Variants in ODAD2 observed in about 807,000 individuals in gnomAD.
The protein encoded by ODAD2 is outer dynein arm-docking complex subunit 2.
In ODAD2, 89 loss-of-function variants were observed where a neutral mutation model predicts 106.8. The observed-to-expected ratio is 0.83, with a 90% CI of 0.70 to 0.99. ODAD2 has a LOEUF of 0.99. Ranked by LOEUF, ODAD2 falls within the 50% of genes least tolerant of loss-of-function variation. The pLI is 0.00. For missense variants in ODAD2, 1,168 were observed against 1,238.5 expected (o/e 0.94, Z 0.85); for synonymous variants, 404 against 436.2 (o/e 0.93, Z 0.92).
chr10:27,934,675 C>G (rs1198134243), intron 16 of ODAD2, among the ~76,000 whole-genome samples: 2 of 152,058 alleles, frequency 1.3e-5, no homozygotes, highest in African/African-American at 4.8e-5. Flanking sequence ...TGAGAATGTA[C>G]CTGACACTCT....
At position 27,986,906 on chromosome 10, in the gene ODAD2, T is replaced by G. The variant is rs533213094; in HGVS notation, c.382+480A>C. ...CACAGTGGAATATGGCTGAGAAAAG[T>G]GGAAAGGGAGACTATTAAAGGCTGT... On this transcript the variant is annotated intron_variant, in intron 3 of 19. Transcript: ENST00000305242. Among the ~76,000 whole-genome samples the G allele has an allele frequency of 3.9e-5, 6 of 152,254 alleles. No homozygotes were observed. The East Asian group carries it at 1.2e-3, about 29-fold the overall frequency.
At chr10:27,936,506 C>T (rs74127158) in intron 15 of ODAD2, among the ~76,000 whole-genome samples, 88 of 152,304 alleles carry the variant, frequency 5.8e-4, no homozygotes, top group African/African-American at 2.1e-3. Flanking sequence ...CAGCAAGCCT[C>T]TTAGTGCCAC....
At chr10:27,879,257 T>C (rs752529553) in intron 17 of ODAD2, among the ~76,000 whole-genome samples, 5 of 152,122 alleles carry the variant, frequency 3.3e-5, no homozygotes, top group Non-Finnish European at 7.4e-5. Flanking sequence ...TACCATTGTG[T>C]AACCAGAGGC....
At chr10:27,917,334 T>G (rs1254553506) in intron 16 of ODAD2, among the ~76,000 whole-genome samples, 1 of 152,038 alleles carries the variant, frequency 6.6e-6, no homozygotes, top group Non-Finnish European at 1.5e-5. Context: ...TAAATAAAAA[T>G]GAAATCACAA....
At chr10:27,937,296 T>G (rs1441322057) in intron 14 of ODAD2, among the ~76,000 whole-genome samples, 2 of 152,060 alleles carry the variant, frequency 1.3e-5, no homozygotes, top group East Asian at 3.9e-4. Flanking sequence ...GCCCCTGAAA[T>G]CTAGAGACAA....
chr10:27,872,222 G>A (rs970525609), intron 17 of ODAD2, among the ~76,000 whole-genome samples: 28 of 152,152 alleles, frequency 1.8e-4, no homozygotes, highest in African/African-American at 6.5e-4. Flanking sequence ...CTGAGACTTT[G>A]CTGAAGTTGC....
At chr10:27,827,853 G>T (rs1837192416) in intron 19 of ODAD2, among the ~76,000 whole-genome samples, 1 of 152,188 alleles carries the variant, frequency 6.6e-6, no homozygotes, top group Non-Finnish European at 1.5e-5. Context: ...GTCTTCGGCA[G>T]GCTCCAGTGA....
chr10:27,891,293 G>A (rs949892121), intron 17 of ODAD2, among the ~76,000 whole-genome samples: 1 of 152,006 alleles, frequency 6.6e-6, no homozygotes, highest in African/African-American at 2.4e-5. Context: ...CTTCTCTTTT[G>A]GGGAATCATT....
chr10:27,882,865 A>G (rs1171164743), intron 17 of ODAD2, among the ~76,000 whole-genome samples: 1 of 152,048 alleles, frequency 6.6e-6, no homozygotes, highest in Non-Finnish European at 1.5e-5. Context: ...CTAAGACTTC[A>G]CACAGTAAGT....
At chr10:27,888,697 T>G (rs1842384869) in intron 17 of ODAD2, among the ~76,000 whole-genome samples, 2 of 152,196 alleles carry the variant, frequency 1.3e-5, no homozygotes, top group South Asian at 2.1e-4. Context: ...TTTTTGAGTT[T>G]GTGCCCACAA....
intron 12 of ODAD2, among the ~76,000 whole-genome samples, chr10:27,942,925 T>C (rs1424604024): frequency 6.6e-6 from 1 of 152,246 alleles, no homozygotes; most frequent in Non-Finnish European, 1.5e-5. Context: ...AGAATGTCTT[T>C]TGGAAAATTT....
At chr10:27,860,561 C>T (rs1158921205) in intron 19 of ODAD2, 64 bp downstream of exon 19, 2 of 1,494,878 alleles carry the variant, frequency 1.3e-6, no homozygotes, top group African/African-American at 2.8e-5. Context: ...TTAGTGATGC[C>T]TAAGTTTCTT....
chr10:27,985,266 A>G, intron 3 of ODAD2, 55 bp from the exon 4 acceptor site: 1 of 1,339,218 alleles, frequency 7.5e-7, no homozygotes, highest in Non-Finnish European at 1.0e-6. Flanking sequence ...GTCTTCTAGT[A>G]CAACAAACAT....
rs533047662 is a variant in ODAD2 at position 27,919,075 on chromosome 10, T to C, written c.2496-11298A>G. On this transcript the variant is annotated intron_variant, in intron 16 of 19. Coordinates refer to ENST00000305242, the MANE Select transcript of ODAD2 (RefSeq NM_018076.5). ...CAAATAAATGGCAATATATACCTCA[T>C]TAATGGATTGGCAGTCTCAATATCA... Among the ~76,000 whole-genome samples, 7 of 152,088 alleles carry C rather than the reference T, an allele frequency of 4.6e-5. No homozygotes were observed. In the East Asian group the frequency reaches 1.4e-3, roughly 29 times the overall value.
At chr10:27,919,049 C>T in intron 16 of ODAD2, among the ~76,000 whole-genome samples, 1 of 151,596 alleles carries the variant, frequency 6.6e-6, no homozygotes, top group East Asian at 1.9e-4. Context: ...AATGAAAGAC[C>T]CAAATAAATG....
At position 27,998,993 on chromosome 10, in the gene ODAD2, C is replaced by G. The variant is rs1396582464; in HGVS notation, c.-39+1G>C. 6.5e-6 allele frequency: 1 copy of G among 153,912 alleles called. No individual in the cohort carries two copies. Among genetic ancestry groups the G allele is most frequent in the African/African-American group, 2.4e-5 (1 of 41,454 alleles). The allele number at this position is 153,912 out of a possible 1,614,324, so 9.5% of individuals were successfully genotyped here. On this transcript the variant is annotated splice_donor_variant, in intron 1 of 19. Transcript: ENST00000305242. LOFTEE classifies it low-confidence loss of function (5UTR_SPLICE). ...GCCGCGACCGCAGCCCAGTCCGTTA[C>G]CCTGGTCTCGGGACCTCCGCGCATC...
At chr10:27,876,115 G>C (rs1172364928) in intron 17 of ODAD2, among the ~76,000 whole-genome samples, 2 of 152,172 alleles carry the variant, frequency 1.3e-5, no homozygotes, top group Non-Finnish European at 2.9e-5. Flanking sequence ...CTCCACATCT[G>C]GGGGCAGGGC....
chr10:27,999,574 C>A (rs952326699), upstream of ODAD2, among the ~76,000 whole-genome samples: 1 of 151,988 alleles, frequency 6.6e-6, no homozygotes, highest in Admixed American at 6.6e-5. Context: ...TGGCCTTTAC[C>A]TTTGTCCATT....
intron 17 of ODAD2, among the ~76,000 whole-genome samples, chr10:27,864,502 G>T (rs957593138): frequency 6.6e-6 from 1 of 150,546 alleles, no homozygotes; most frequent in African/African-American, 2.4e-5. Flanking sequence ...GGAGTGAAGT[G>T]AGAGTGGAGA....
Sources: allele counts gnomAD v4.1 joint callset (sites outside exome capture counted in the v4.1 genomes callset), GRCh38; gene constraint gnomAD v4.1.1; transcripts MANE v1.5; gene names NCBI Gene and HGNC (gene_info 2026-07-23, HGNC 2026-07-21).